The following NPAS2 variants were observed in gnomAD, a reference collection of about 807,000 sequenced individuals.
The protein encoded by NPAS2 is neuronal PAS domain-containing protein 2.
Under a neutral mutation model 107.5 loss-of-function variants are expected in NPAS2, and 23 were observed. The observed-to-expected ratio is 0.21, with a 90% CI of 0.15 to 0.30. NPAS2 has a LOEUF of 0.30. Among genes scored for constraint, NPAS2 ranks in the 10% least tolerant of loss-of-function variants. The probability of loss-of-function intolerance (pLI) is 1.00; values close to 1 mark genes in which losing one functional copy is unlikely to be tolerated. For synonymous variants in NPAS2, 403 were observed against 417.5 expected, an observed-to-expected ratio of 0.97 and a Z score of 0.42; for missense variants, 756 against 1,043.3, an observed-to-expected ratio of 0.72 and a Z score of 3.79.
intron 1 of NPAS2, among the ~76,000 whole-genome samples, chr2:100,870,005 C>T (rs1018706388): frequency 2.0e-5 from 3 of 150,052 alleles, no homozygotes; most frequent in East Asian, 4.1e-4. Context: ...CCCGGGTTCA[C>T]GCCATTCTCC....
intron 7 of NPAS2, 45 bp from the exon 8 acceptor site, chr2:100,964,013 C>G (rs1295800157): frequency 2.3e-6 from 3 of 1,293,218 alleles, no homozygotes; most frequent in Non-Finnish European, 3.4e-6. Context: ...GCTGCTGTCA[C>G]CAGACAGGGC....
chr2:100,923,798 G>A (rs998446929), intron 2 of NPAS2, among the ~76,000 whole-genome samples: 12 of 152,318 alleles, frequency 7.9e-5, no homozygotes, highest in East Asian at 3.9e-4. Context: ...CTTCAAATAC[G>A]TGGATTGTTG....
At chr2:100,940,910 G>A (rs1674534564) in intron 5 of NPAS2, among the ~76,000 whole-genome samples, 1 of 152,226 alleles carries the variant, frequency 6.6e-6, no homozygotes, top group Non-Finnish European at 1.5e-5. Flanking sequence ...CTCTTGAGGT[G>A]GAGGTCGGGA....
intron 1 of NPAS2, among the ~76,000 whole-genome samples, chr2:100,856,298 C>T (rs562726476): frequency 3.4e-4 from 52 of 152,274 alleles, no homozygotes; most frequent in African/African-American, 1.2e-3. Context: ...CTGAATTAAA[C>T]GTGTGGTTAA....
At chr2:100,980,039 A>G (rs1677338230) in intron 15 of NPAS2, among the ~76,000 whole-genome samples, 1 of 152,236 alleles carries the variant, frequency 6.6e-6, no homozygotes, top group African/African-American at 2.4e-5. Flanking sequence ...TTTCCAAAAA[A>G]GCCTCTTTCT....
rs141630528 is a variant in NPAS2, at chr2:100,976,385, C to T, written c.1392+818C>T. Among the ~76,000 whole-genome samples, 66 of 152,098 alleles carry T rather than the reference C, an allele frequency of 4.3e-4. No individual in the cohort carries two copies. Among genetic ancestry groups the T allele is most frequent in the Non-Finnish European group, 6.0e-4 (41 of 67,998 alleles). On this transcript the variant is annotated intron_variant, in intron 14 of 20. Transcript: ENST00000335681. The surrounding 1 kb of genome is among the most constrained non-coding windows in gnomAD (Gnocchi z 4.1). ...GGTTCCAAGAGGAGACACCTGGAGA[C>T]GCAGGCAGGAACCATGCAGACCTCT...
intron 14 of NPAS2, among the ~76,000 whole-genome samples, chr2:100,975,980 A>G (rs1231714799): frequency 6.6e-6 from 1 of 152,144 alleles, no homozygotes; most frequent in Non-Finnish European, 1.5e-5. Flanking sequence ...CGTCCCCAAC[A>G]TGTGCCAGAT....
intron 1 of NPAS2, among the ~76,000 whole-genome samples, chr2:100,898,654 A>G (rs1438507229): frequency 6.6e-6 from 1 of 152,302 alleles, no homozygotes; most frequent in South Asian, 2.1e-4. Context: ...ATGTAAAGCA[A>G]TGGCTCCAAT....
rs372674798 is a variant in NPAS2, at chr2:100,859,599, AG to A, written c.-23+39189del. Among the ~76,000 whole-genome samples the A allele has an allele frequency of 1.4e-4, 21 of 152,278 alleles. No homozygotes were observed. In the East Asian group the frequency reaches 2.5e-3, roughly 18 times the overall value. On this transcript the variant is annotated intron_variant, in intron 1 of 20. Transcript: ENST00000335681. ...GAAGGGAGTAGGAACCAGTGACGCC[AG>A]GGGAGCGAGCAGAGCTTTTCAGGTA...
chr2:100,964,555 T>C (rs1303028402), intron 8 of NPAS2, among the ~76,000 whole-genome samples: 1 of 152,242 alleles, frequency 6.6e-6, no homozygotes, highest in African/African-American at 2.4e-5. Context: ...GGCATGAATG[T>C]TGAGTTAAAT....
intron 16 of NPAS2, chr2:100,985,311 T>G (rs960483684): frequency 6.5e-6 from 1 of 152,956 alleles, no homozygotes; most frequent in African/African-American, 2.4e-5. Context: ...CTATACATCC[T>G]TCTGCCCGTC....
chr2:100,895,417 A>T (rs1422174615), intron 1 of NPAS2, among the ~76,000 whole-genome samples: 2 of 152,184 alleles, frequency 1.3e-5, no homozygotes, highest in Non-Finnish European at 2.9e-5. Flanking sequence ...GTCCAAGGTT[A>T]TACAGAGATA....
At chr2:100,939,165 C>T (rs1327054980) in intron 5 of NPAS2, among the ~76,000 whole-genome samples, 2 of 152,210 alleles carry the variant, frequency 1.3e-5, no homozygotes, top group Non-Finnish European at 2.9e-5. Context: ...ACTCCCTTAT[C>T]CCACCATTAG....
intron 16 of NPAS2, 29 bp from the exon 17 acceptor site, chr2:100,988,050 C>A: frequency 1.9e-6 from 3 of 1,608,412 alleles, no homozygotes; most frequent in Non-Finnish European, 2.6e-6. Flanking sequence ...ATGACCCCAA[C>A]TTCACAGGCA....
At chr2:100,885,852 A>T (rs114056986) in intron 1 of NPAS2, among the ~76,000 whole-genome samples, 1 of 152,084 alleles carries the variant, frequency 6.6e-6, no homozygotes, top group Non-Finnish European at 1.5e-5. Flanking sequence ...TAGTAGAGAC[A>T]GCCTAGCCAT....
chr2:100,841,645 C>CT (rs1677407261), intron 1 of NPAS2, among the ~76,000 whole-genome samples: 1 of 151,878 alleles, frequency 6.6e-6, no homozygotes, highest in Non-Finnish European at 1.5e-5. Flanking sequence ...GATAACCAGA[C>CT]TGACCCTCCA....
chr2:100,909,979 G>A (rs549279152), intron 2 of NPAS2, among the ~76,000 whole-genome samples: 3 of 152,230 alleles, frequency 2.0e-5, no homozygotes, highest in South Asian at 2.1e-4. Flanking sequence ...CCCTGCTAGC[G>A]TTCTTTGATT....
rs199948340 is a variant in NPAS2 at position 100,995,631 on chromosome 2, G to C, written c.*49G>C. 41 of 1,575,110 alleles carry C rather than the reference G, an allele frequency of 2.6e-5. No individual in the cohort carries two copies. The highest frequency in any genetic ancestry group is 6.9e-5 in the East Asian group (3 of 43,754). ...ACAATCAGCTTTAACCAATGGATGA[G>C]GGGGGTGGCCACAGGAGATGGGGAG... On this transcript the variant is annotated 3_prime_UTR_variant, in exon 21 of 21. Transcript: ENST00000335681.
intron 1 of NPAS2, among the ~76,000 whole-genome samples, chr2:100,863,704 A>G (rs2104539320): frequency 6.6e-6 from 1 of 152,292 alleles, no homozygotes; most frequent in African/African-American, 2.4e-5. Flanking sequence ...TTTTCACGCA[A>G]TGGTGAAGAC....
Sources: allele counts gnomAD v4.1 joint callset (sites outside exome capture counted in the v4.1 genomes callset), GRCh38; gene constraint gnomAD v4.1.1; non-coding constraint Gnocchi (gnomAD v3.1); transcripts MANE v1.5; gene names NCBI Gene and HGNC (gene_info 2026-07-23, HGNC 2026-07-21).